Variants in HCN1 observed in about 807,000 individuals in gnomAD.
HCN1 encodes potassium/sodium hyperpolarization-activated cyclic nucleotide-gated channel 1.
HCN1 carries 13 observed loss-of-function variants against 78.9 expected under a neutral mutation model. The ratio of observed to expected loss-of-function variants is 0.16; its 90% CI spans 0.11 to 0.26. The LOEUF (loss-of-function observed/expected upper bound fraction) is 0.26, where lower values mean the gene tolerates loss of function less well. Ranked by LOEUF, HCN1 falls within the 10% of genes least tolerant of loss-of-function variation. The pLI, the probability that HCN1 is intolerant of heterozygous loss-of-function variation, is 1.00. For synonymous variants in HCN1, 552 were observed against 455.5 expected (o/e 1.21, Z -2.70); for missense variants, 810 against 1,154.3 (o/e 0.70, Z 4.32).
chr5:45,372,045 A>G (rs181714846), intron 4 of HCN1, among the ~76,000 whole-genome samples: 1 of 56,296 alleles, frequency 1.8e-5, no homozygotes, highest in Non-Finnish European at 2.7e-5. Context: ...TATATATATT[A>G]TATATATAAT....
intron 6 of HCN1, among the ~76,000 whole-genome samples, chr5:45,281,579 CTTTTTTTTTTTT>C (rs751307473): frequency 4.9e-5 from 4 of 81,664 alleles, no homozygotes; most frequent in Non-Finnish European, 9.6e-5. Context: ...CTCTTCTCTT[CTTTTTTTTTTTT>C]TTTTTTTTTT....
intron 1 of HCN1, among the ~76,000 whole-genome samples, chr5:45,657,880 GA>G (rs1254424292): frequency 2.0e-5 from 3 of 152,078 alleles, no homozygotes; most frequent in Non-Finnish European, 4.4e-5. Flanking sequence ...CACAGAATTG[GA>G]AAAAACTACT....
rs139585088 is a variant in HCN1, at chr5:45,501,672, C to G, written c.850-39665G>C. Among the ~76,000 whole-genome samples the G allele has an allele frequency of 5.7e-3, 860 of 152,150 alleles. 7 individuals are homozygous for G. The highest frequency in any genetic ancestry group is 0.012 in the Admixed American group (189 of 15,262). Reference sequence around the variant, plus strand: ...GCCAGGCTAATCTCAAACTCCTGACCCGGGAGATCCGCACGCCTCGGCCTC... The same window carrying G: ...GCCAGGCTAATCTCAAACTCCTGACGCGGGAGATCCGCACGCCTCGGCCTC... On this transcript the variant is annotated intron_variant, in intron 2 of 7. Coordinates refer to ENST00000303230, the MANE Select transcript of HCN1 (RefSeq NM_021072.4).
At chr5:45,498,859 G>A (rs548693857) in intron 2 of HCN1, among the ~76,000 whole-genome samples, 2 of 152,224 alleles carry the variant, frequency 1.3e-5, no homozygotes, top group Admixed American at 1.3e-4. Flanking sequence ...GTGTCAGTCT[G>A]CCCCTGCCGT....
intron 3 of HCN1, among the ~76,000 whole-genome samples, chr5:45,426,062 T>G (rs1206064246): frequency 2.0e-5 from 3 of 152,212 alleles, no homozygotes; most frequent in East Asian, 3.9e-4. Flanking sequence ...GATTCTTCTA[T>G]GCCGCCTCTC....
At chr5:45,441,708 A>G (rs959507785) in intron 3 of HCN1, among the ~76,000 whole-genome samples, 7 of 152,186 alleles carry the variant, frequency 4.6e-5, no homozygotes, top group Admixed American at 4.6e-4. Flanking sequence ...AAATATTTGG[A>G]ATAGAAAGCT....
At chr5:45,439,590 T>C (rs977831405) in intron 3 of HCN1, among the ~76,000 whole-genome samples, 2 of 152,286 alleles carry the variant, frequency 1.3e-5, no homozygotes, top group African/African-American at 4.8e-5. Context: ...AACAGAGTTC[T>C]GTTTTTATTT....
intron 6 of HCN1, among the ~76,000 whole-genome samples, chr5:45,291,376 T>C (rs1745370711): frequency 6.6e-6 from 1 of 152,024 alleles, no homozygotes; most frequent in South Asian, 2.1e-4. Context: ...CACACCGAGC[T>C]CATCTTTTAT....
chr5:45,351,805 T>C (rs996651056), intron 5 of HCN1, among the ~76,000 whole-genome samples: 1 of 151,076 alleles, frequency 6.6e-6, no homozygotes, highest in Non-Finnish European at 1.5e-5. Context: ...ATCAGAGAAA[T>C]GCAAATCAAA....
intron 5 of HCN1, among the ~76,000 whole-genome samples, chr5:45,313,689 A>C (rs2111921383): frequency 6.6e-6 from 1 of 152,358 alleles, no homozygotes. Flanking sequence ...GATGGAGCTG[A>C]AAACCATGGC....
At chr5:45,534,436 A>AAAAAAAAAAAAAAAAAT (rs1742923745) in intron 2 of HCN1, among the ~76,000 whole-genome samples, 1 of 143,706 alleles carries the variant, frequency 7.0e-6, no homozygotes, top group African/African-American at 2.5e-5. Flanking sequence ...AAAAAAAAAA[A>AAAAAAAAAAAAAAAAAT]AAAAAAAAAT....
intron 4 of HCN1, among the ~76,000 whole-genome samples, chr5:45,362,492 A>C (rs952668731): frequency 5.3e-5 from 8 of 152,090 alleles, no homozygotes; most frequent in Middle Eastern, 3.2e-3. Flanking sequence ...CAATGAAAGA[A>C]GTGTTTCTAA....
intron 3 of HCN1, among the ~76,000 whole-genome samples, chr5:45,430,695 G>A (rs1239046181): frequency 6.6e-6 from 1 of 151,934 alleles, no homozygotes; most frequent in African/African-American, 2.4e-5. Context: ...ATCATCGGGC[G>A]CTTGTAGTCC....
chr5:45,432,826 G>C lies in HCN1; in HGVS notation c.1011+29020C>G, dbSNP rs182033445. On this transcript the variant is annotated intron_variant, in intron 3 of 7. Coordinates refer to ENST00000303230, the MANE Select transcript of HCN1 (RefSeq NM_021072.4). ...GCTAATAAAGACATATCTGAGACTG[G>C]GTAATTTATAAAGAAAAAGAGGTTT... is the stretch of plus-strand genomic sequence containing the variant. 3.3e-5 allele frequency among the ~76,000 whole-genome samples: 5 copies of C among 152,078 alleles called. No homozygotes were observed. In the East Asian group the frequency reaches 9.7e-4, roughly 29 times the overall value.
In HCN1 at chr5:45,301,272, G is replaced by T. The variant is rs550715553; in HGVS notation, c.1618+2327C>A. Among the ~76,000 whole-genome samples the T allele has an allele frequency of 4.1e-5, 6 of 147,998 alleles. No individual in the cohort carries two copies. The South Asian group carries it at 1.3e-3, about 31-fold the overall frequency. ...TGGGGTAAAAAAGGGGGATAATATA[G>T]AATATTTCATATTATACTCACAAAT... On this transcript the variant is annotated intron_variant, in intron 6 of 7. Coordinates refer to ENST00000303230, the MANE Select transcript of HCN1 (RefSeq NM_021072.4).
intron 2 of HCN1, chr5:45,557,804 T>C (rs1034904908): frequency 2.0e-5 from 3 of 152,248 alleles, no homozygotes; most frequent in African/African-American, 7.2e-5. Context: ...TTAAATGTTG[T>C]GTGTGCTCTG....
At chr5:45,522,904 A>T (rs1044536730) in intron 2 of HCN1, among the ~76,000 whole-genome samples, 2 of 151,874 alleles carry the variant, frequency 1.3e-5, no homozygotes, top group Non-Finnish European at 2.9e-5. Context: ...CATGTGCACA[A>T]TGTGCAGGTT....
At chr5:45,470,913 T>C (rs911352738) in intron 2 of HCN1, among the ~76,000 whole-genome samples, 1 of 151,936 alleles carries the variant, frequency 6.6e-6, no homozygotes, top group Admixed American at 6.6e-5. Context: ...TCATAATTGT[T>C]GTTTTCTTTA....
At chr5:45,478,475 T>C (rs1741571712) in intron 2 of HCN1, among the ~76,000 whole-genome samples, 1 of 152,176 alleles carries the variant, frequency 6.6e-6, no homozygotes, top group Non-Finnish European at 1.5e-5. Flanking sequence ...AACAAGGGTT[T>C]GAGCACCTGC....
Sources: gnomAD v4.1 joint callset for allele counts (sites outside exome capture counted in the v4.1 genomes callset) on GRCh38, gnomAD v4.1.1 for gene constraint, MANE v1.5 for transcripts, NCBI Gene and HGNC (gene_info 2026-07-23, HGNC 2026-07-21) for gene names.